The following CTNNA3 variants were observed in gnomAD, a reference collection of about 807,000 sequenced individuals.
The protein encoded by CTNNA3 is catenin alpha-3.
Under a neutral mutation model 95.7 loss-of-function variants are expected in CTNNA3, and 76 were observed. The ratio of observed to expected loss-of-function variants is 0.79; its 90% CI spans 0.66 to 0.96. CTNNA3 has a LOEUF of 0.96. CTNNA3 is among the 40% of genes least tolerant of loss of function. The pLI is 0.00. For synonymous variants in CTNNA3, 431 were observed against 374.4 expected (o/e 1.15, Z -1.74); for missense variants, 1,191 against 1,089.8 (o/e 1.09, Z -1.31).
At chr10:66,544,850 T>C (rs1841988037) in intron 10 of CTNNA3, among the ~76,000 whole-genome samples, 1 of 152,122 alleles carries the variant, frequency 6.6e-6, no homozygotes, top group Non-Finnish European at 1.5e-5. Flanking sequence ...ATTGTGTACT[T>C]TTCATTATTT....
At chr10:66,256,977 C>T (rs1204190179) in intron 13 of CTNNA3, among the ~76,000 whole-genome samples, 2 of 151,592 alleles carry the variant, frequency 1.3e-5, no homozygotes, top group African/African-American at 4.8e-5. Context: ...AGCGAGTGAC[C>T]CTCTCTCCCT....
At chr10:66,386,312 A>G (rs988483452) in intron 11 of CTNNA3, among the ~76,000 whole-genome samples, 3 of 152,032 alleles carry the variant, frequency 2.0e-5, no homozygotes, top group African/African-American at 7.2e-5. Flanking sequence ...CAGACAAACA[A>G]AGAGCCAAAT....
chr10:66,630,979 T>C (rs904239305), intron 9 of CTNNA3, among the ~76,000 whole-genome samples: 2 of 152,134 alleles, frequency 1.3e-5, no homozygotes, highest in Admixed American at 1.3e-4. Flanking sequence ...AAGGGACACG[T>C]GAAAGGATCA....
intron 7 of CTNNA3, among the ~76,000 whole-genome samples, chr10:66,952,391 G>C (rs1249677588): frequency 6.6e-6 from 1 of 152,150 alleles, no homozygotes; most frequent in African/African-American, 2.4e-5. Context: ...AGAGACAAAA[G>C]ACATAAGCAA....
At chr10:67,314,097 A>T (rs1310625397) in intron 5 of CTNNA3, among the ~76,000 whole-genome samples, 3 of 152,230 alleles carry the variant, frequency 2.0e-5, no homozygotes, top group African/African-American at 2.4e-5. Flanking sequence ...ACTGAACCCC[A>T]AAAAGAAGAT....
chr10:66,101,544 A>G lies in CTNNA3; in HGVS notation c.1977+1613T>C, dbSNP rs12571769. Among the ~76,000 whole-genome samples, 61 of 152,286 alleles carry G rather than the reference A, an allele frequency of 4.0e-4. 1 individual carries two copies. In the East Asian group the frequency reaches 8.7e-3, roughly 22 times the overall value. Reference sequence around the variant, plus strand: ...AACTTTCCCAAATTTATCTTTTCCCATATTATGTTTTACCATATTTTCTGT... The same window carrying G: ...AACTTTCCCAAATTTATCTTTTCCCGTATTATGTTTTACCATATTTTCTGT... On this transcript the variant is annotated intron_variant, in intron 14 of 17. Coordinates refer to ENST00000433211, the MANE Select transcript of CTNNA3 (RefSeq NM_013266.4).
At position 65,947,094 on chromosome 10, in the gene CTNNA3, T is replaced by G. The variant is rs10996785; in HGVS notation, c.2400+19518A>C. On this transcript the variant is annotated intron_variant, in intron 17 of 17. Coordinates refer to ENST00000433211, the MANE Select transcript of CTNNA3 (RefSeq NM_013266.4). ...GACAGCCTAAGTCTTTTGTTTGTTT[T>G]TTTTTTTTTTGTAGAATTCATCCAT... Among the ~76,000 whole-genome samples the G allele has an allele frequency of 1.1e-3, 132 of 119,238 alleles. 1 individual carries two copies. The highest frequency in any genetic ancestry group is 3.3e-3 in the African/African-American group (110 of 32,932). The allele number at this position is 119,238 out of a possible 152,430, so 78.2% of individuals were successfully genotyped here.
At chr10:66,569,275 T>A (rs1424219075) in intron 10 of CTNNA3, among the ~76,000 whole-genome samples, 2 of 152,154 alleles carry the variant, frequency 1.3e-5, no homozygotes, top group African/African-American at 4.8e-5. Context: ...TGCTTTGCAA[T>A]TTAGTCTTCC....
At chr10:67,392,250 A>T (rs578123912) in intron 5 of CTNNA3, among the ~76,000 whole-genome samples, 2 of 152,282 alleles carry the variant, frequency 1.3e-5, no homozygotes, top group East Asian at 1.9e-4. Flanking sequence ...GCAAAGGACA[A>T]GAACAGACAC....
At chr10:66,725,752 A>G (rs1375802059) in intron 9 of CTNNA3, among the ~76,000 whole-genome samples, 1 of 152,074 alleles carries the variant, frequency 6.6e-6, no homozygotes, top group Non-Finnish European at 1.5e-5. Flanking sequence ...GCATGAAGCA[A>G]TGGTCCAAAC....
intron 1 of CTNNA3, among the ~76,000 whole-genome samples, chr10:67,729,711 T>C (rs1333573131): frequency 6.6e-6 from 1 of 152,104 alleles, no homozygotes; most frequent in African/African-American, 2.4e-5. Context: ...TTATGTTCTA[T>C]GAAAAGAATC....
At chr10:66,815,009 G>A (rs1303250059) in intron 7 of CTNNA3, among the ~76,000 whole-genome samples, 2 of 151,718 alleles carry the variant, frequency 1.3e-5, no homozygotes, top group African/African-American at 4.8e-5. Flanking sequence ...CTGCCACCAC[G>A]CCTGGCTAAT....
At position 66,311,014 on chromosome 10, in the gene CTNNA3, T is replaced by C. The variant is rs116546628; in HGVS notation, c.1733-30393A>G. ...TTTGGAAGTTGAATTAATTCACTTT[T>C]TCCTAGACTGTTGTCCTAAATGCAA... On this transcript the variant is annotated intron_variant, in intron 12 of 17. Coordinates refer to ENST00000433211, the MANE Select transcript of CTNNA3 (RefSeq NM_013266.4). Among the ~76,000 whole-genome samples the C allele has an allele frequency of 3.3e-3, 502 of 152,326 alleles. 5 individuals carry two copies. Among genetic ancestry groups the C allele is most frequent in the African/African-American group, 0.011 (473 of 41,584 alleles).
intron 13 of CTNNA3, among the ~76,000 whole-genome samples, chr10:66,195,473 T>C (rs2086904009): frequency 7.1e-6 from 1 of 141,138 alleles, no homozygotes; most frequent in Non-Finnish European, 1.5e-5. Context: ...TCATTTGTAT[T>C]GTTATGATCA....
At chr10:67,023,308 T>G (rs763662488) in intron 7 of CTNNA3, among the ~76,000 whole-genome samples, 2 of 152,138 alleles carry the variant, frequency 1.3e-5, no homozygotes, top group African/African-American at 4.8e-5. Context: ...AAAGGTTCTA[T>G]GTAGAGTAGA....
intron 13 of CTNNA3, among the ~76,000 whole-genome samples, chr10:66,114,585 A>T (rs943437138): frequency 2.6e-5 from 4 of 151,674 alleles, no homozygotes; most frequent in South Asian, 2.1e-4. Context: ...TAAAATGAAA[A>T]ATATATATAT....
At chr10:67,727,219 G>C (rs1401703359) in intron 1 of CTNNA3, among the ~76,000 whole-genome samples, 1 of 123,186 alleles carries the variant, frequency 8.1e-6, no homozygotes, top group Non-Finnish European at 1.6e-5. Flanking sequence ...ATGTATATAT[G>C]TATATTACAT....
chr10:67,319,883 C>A (rs992123671), intron 5 of CTNNA3, among the ~76,000 whole-genome samples: 1 of 117,026 alleles, frequency 8.5e-6, no homozygotes, highest in Admixed American at 1.2e-4. Flanking sequence ...GTGACAAGAG[C>A]GAGACTCAGT....
At position 66,895,656 on chromosome 10, in the gene CTNNA3, C is replaced by T. The variant is rs534292382; in HGVS notation, c.1048-120132G>A. 5.3e-5 allele frequency among the ~76,000 whole-genome samples: 8 copies of T among 152,182 alleles called. No individual in the cohort carries two copies. The South Asian group carries it at 1.7e-3, about 32-fold the overall frequency. Reference sequence around the variant, plus strand: ...CACCTATAATTGATACAGTCCATTTCTTTATGCCTCAGTTTTCCTCGTTTA... The same window carrying T: ...CACCTATAATTGATACAGTCCATTTTTTTATGCCTCAGTTTTCCTCGTTTA... On this transcript the variant is annotated intron_variant, in intron 7 of 17. Coordinates refer to ENST00000433211, the MANE Select transcript of CTNNA3 (RefSeq NM_013266.4).
Sources: allele counts gnomAD v4.1 joint callset (sites outside exome capture counted in the v4.1 genomes callset), GRCh38; gene constraint gnomAD v4.1.1; transcripts MANE v1.5; gene names NCBI Gene and HGNC (gene_info 2026-07-23, HGNC 2026-07-21).